The following RCL1 variants were observed in gnomAD, a reference collection of about 807,000 sequenced individuals.
The protein encoded by RCL1 is RNA 3'-terminal phosphate cyclase-like protein.
In RCL1, 24 loss-of-function variants were observed where a neutral mutation model predicts 42.4. The ratio of observed to expected loss-of-function variants is 0.57; its 90% CI spans 0.41 to 0.80. The LOEUF (loss-of-function observed/expected upper bound fraction) is 0.80. Ranked by LOEUF, RCL1 falls within the 30% of genes least tolerant of loss-of-function variation. The pLI is 0.00. For synonymous variants in RCL1, 228 were observed against 177.3 expected, an observed-to-expected ratio of 1.29 and a Z score of -2.27; for missense variants, 578 against 467.9, an observed-to-expected ratio of 1.24 and a Z score of -2.17.
chr9:4,836,768 A>AGTG (rs1009008814), intron 5 of RCL1: 1 of 152,424 alleles, frequency 6.6e-6, no homozygotes, highest in African/African-American at 2.4e-5. Context: ...TTGAACAGTA[A>AGTG]GTGGTGAAGG....
intron 1 of RCL1, among the ~76,000 whole-genome samples, chr9:4,798,764 C>G (rs1039415270): frequency 2.0e-5 from 3 of 152,140 alleles, no homozygotes; most frequent in African/African-American, 7.2e-5. Flanking sequence ...GATAACTTTA[C>G]TACTAACTGT....
At chr9:4,834,296 T>A in intron 5 of RCL1, 31 bp downstream of exon 5, 1 of 1,590,658 alleles carries the variant, frequency 6.3e-7, no homozygotes, top group Non-Finnish European at 8.6e-7. Flanking sequence ...GATTTCTTTT[T>A]TTTTTGTTGT....
At chr9:4,843,898 TGTTA>T (rs1817418338) in intron 6 of RCL1, among the ~76,000 whole-genome samples, 1 of 152,182 alleles carries the variant, frequency 6.6e-6, no homozygotes, top group South Asian at 2.1e-4. Flanking sequence ...GATAGCACAG[TGTTA>T]GATTGTTAAG....
chr9:4,807,917 T>C (rs1816038473), intron 1 of RCL1, among the ~76,000 whole-genome samples: 1 of 152,220 alleles, frequency 6.6e-6, no homozygotes, highest in South Asian at 2.1e-4. Flanking sequence ...GAAAACATTC[T>C]CTGTATGATT....
chr9:4,809,396 G>A (rs944434299), intron 1 of RCL1, among the ~76,000 whole-genome samples: 2 of 151,026 alleles, frequency 1.3e-5, no homozygotes, highest in African/African-American at 2.4e-5. Flanking sequence ...TGCAACCTCC[G>A]CCTCCTGGAT....
At chr9:4,849,931 C>G (rs763920201) in intron 8 of RCL1, among the ~76,000 whole-genome samples, 4 of 151,862 alleles carry the variant, frequency 2.6e-5, no homozygotes, top group Admixed American at 6.6e-5. Context: ...GGCTTTTTGT[C>G]TAAGATGATA....
In RCL1 at chr9:4,849,538, T is replaced by C. The variant is rs760596107; in HGVS notation, c.959T>C (p.Leu320Pro). Residue 320 changes from leucine (L) to proline (P), a missense_variant, in exon 8 of 9, where the codon CTC becomes CCC. Coordinates refer to ENST00000381750, the MANE Select transcript of RCL1 (RefSeq NM_005772.5). Reference protein sequence around the residue: ...QDVSKVLLGPLSPYTIEFLRH... With the variant: ...QDVSKVLLGPPSPYTIEFLRH... ...GTTTCCAAAGTCCTGCTAGGCCCTC[T>C]CTCTCCCTACACGTAAGTTATTCTT... 2.5e-6 allele frequency: 4 copies of C among 1,611,474 alleles called. No homozygotes were observed. In the East Asian group the frequency reaches 8.9e-5, roughly 36 times the overall value.
intron 8 of RCL1, among the ~76,000 whole-genome samples, chr9:4,850,832 A>T (rs1342264136): frequency 6.6e-6 from 1 of 152,010 alleles, no homozygotes; most frequent in Admixed American, 6.6e-5. Context: ...CTGTGTGGCC[A>T]CTGTGGCCCC....
intron 8 of RCL1, 76 bp downstream of exon 8, chr9:4,849,626 T>A: frequency 9.2e-7 from 1 of 1,087,098 alleles, no homozygotes; most frequent in South Asian, 1.3e-5. Context: ...AAGGGTGTTG[T>A]GCTGCACAGA....
At chr9:4,855,702 A>G (rs969055158) in intron 8 of RCL1, among the ~76,000 whole-genome samples, 3 of 152,086 alleles carry the variant, frequency 2.0e-5, no homozygotes, top group Admixed American at 1.3e-4. Context: ...CATAGGGAGA[A>G]TGGGGCTAGA....
chr9:4,839,442 G>C (rs1817240305), intron 5 of RCL1: 1 of 152,590 alleles, frequency 6.6e-6, no homozygotes, highest in Non-Finnish European at 1.5e-5. Context: ...TAATAGATGT[G>C]AAAGAACTTT....
At position 4,849,480 on chromosome 9, in the gene RCL1, G is replaced by A. The variant is rs768274109; in HGVS notation, c.901G>A (p.Ala301Thr). ...CGTAGACTCGACCAACCAAAGCCTG[G>A]CGCTACTACTCATGACCCTTGGACA... ...GCVDSTNQSL[A>T]LLLMTLGQQD... The change falls in exon 8 of 9, where the codon GCG becomes ACG. Residue 301 changes from alanine (A) to threonine (T), a missense_variant. Coordinates refer to ENST00000381750, the MANE Select transcript of RCL1 (RefSeq NM_005772.5). 1.2e-6 allele frequency: 2 copies of A among 1,613,980 alleles called. No individual in the cohort carries two copies. The highest frequency in any genetic ancestry group is 1.7e-6 in the Non-Finnish European group (2 of 1,179,978).
intron 5 of RCL1, among the ~76,000 whole-genome samples, chr9:4,835,834 G>A (rs1312956918): frequency 6.6e-6 from 1 of 152,234 alleles, no homozygotes; most frequent in African/African-American, 2.4e-5. Flanking sequence ...GATCGTAGTT[G>A]CACAGTAGGA....
chr9:4,849,641 G>T, intron 8 of RCL1, 91 bp downstream of exon 8: 1 of 897,278 alleles, frequency 1.1e-6, no homozygotes. Context: ...CACAGAGCCT[G>T]CACTATGAAC....
Position 4,841,313 on chromosome 9 carries a change from T to A in RCL1, c.666T>A (p.Asp222Glu). The change falls in exon 6 of 9, where the codon GAT becomes GAA. Residue 222 changes from aspartate (D) to glutamate (E), a missense_variant. Coordinates refer to ENST00000381750, the MANE Select transcript of RCL1 (RefSeq NM_005772.5). ...ARSILNKFIP[D>E]IYIYTDHMKG... ...GCATCCTCAACAAGTTCATACCTGA[T>A]ATCTATATTTACACAGATCACATGA... 3.1e-6 allele frequency: 5 copies of A among 1,613,078 alleles called. No individual in the cohort carries two copies. Among genetic ancestry groups the A allele is most frequent in the Non-Finnish European group, 4.2e-6 (5 of 1,179,044 alleles).
intron 3 of RCL1, among the ~76,000 whole-genome samples, chr9:4,829,094 G>T (rs1015891245): frequency 2.0e-5 from 3 of 152,174 alleles, no homozygotes; most frequent in East Asian, 1.9e-4. Flanking sequence ...CTAGTCTCGT[G>T]GGGTGGACAG....
intron 7 of RCL1, among the ~76,000 whole-genome samples, chr9:4,845,150 A>G (rs1817470677): frequency 6.6e-6 from 1 of 152,254 alleles, no homozygotes. Context: ...AACAGGCTAG[A>G]TTTTGCAATG....
intron 8 of RCL1, among the ~76,000 whole-genome samples, chr9:4,852,063 A>G (rs559247411): frequency 2.0e-5 from 3 of 152,050 alleles, no homozygotes; most frequent in Non-Finnish European, 4.4e-5. Context: ...TTGTATTTTT[A>G]GTAGAGACGG....
At chr9:4,806,566 T>G (rs1251928457) in intron 1 of RCL1, among the ~76,000 whole-genome samples, 1 of 146,304 alleles carries the variant, frequency 6.8e-6, no homozygotes, top group Non-Finnish European at 1.5e-5. Context: ...CTTGCATTCC[T>G]GGAATAGATT....
Sources: allele counts gnomAD v4.1 joint callset (sites outside exome capture counted in the v4.1 genomes callset), GRCh38; gene constraint gnomAD v4.1.1; transcripts MANE v1.5; gene names NCBI Gene and HGNC (gene_info 2026-07-23, HGNC 2026-07-21).